LRRC18: variants seen among roughly 807,000 people sequenced by gnomAD.
LRRC18 encodes the protein leucine rich repeat containing 18, also known as leucine-rich repeat-containing protein 18.
A neutral mutation model predicts 11.2 loss-of-function variants in LRRC18; 12 were observed. That is an observed-to-expected ratio of 1.07 (90% CI 0.69 to 1.74). The LOEUF (loss-of-function observed/expected upper bound fraction) is 1.74, where lower values mean the gene tolerates loss of function less well. Among genes scored for constraint, LRRC18 ranks in the 40% most tolerant of loss-of-function variants. The pLI, the probability that LRRC18 is intolerant of heterozygous loss-of-function variation, is 0.00. For synonymous variants in LRRC18, 155 were observed against 130.6 expected, an observed-to-expected ratio of 1.19 and a Z score of -1.27; for missense variants, 374 against 330.5, an observed-to-expected ratio of 1.13 and a Z score of -1.02.
chr10:48,919,589 G>A, the LRRC18 span, among the ~76,000 whole-genome samples: 2 of 152,214 alleles, frequency 1.3e-5, no homozygotes, highest in African/African-American at 4.8e-5. Context: ...TGGCAGATTT[G>A]CCATCTGGTA....
chr10:48,926,265 C>G, the LRRC18 span, among the ~76,000 whole-genome samples: 4 of 152,214 alleles, frequency 2.6e-5, no homozygotes, highest in African/African-American at 4.8e-5. Context: ...GCCCCAGGCC[C>G]CAGGAAGGGT....
chr10:48,910,369 G>T (rs1160670094), intron 1 of LRRC18, 111 bp from the exon 4 acceptor site: 2 of 918,376 alleles, frequency 2.2e-6, no homozygotes, highest in Non-Finnish European at 3.6e-6. Context: ...CCTTCAGGAT[G>T]GTCAGGTTAG....
chr10:48,920,569 G>A, the LRRC18 span, among the ~76,000 whole-genome samples: 2 of 152,026 alleles, frequency 1.3e-5, no homozygotes, highest in Admixed American at 6.5e-5. Flanking sequence ...ATCATACTTC[G>A]TGAAGGACAG....
chr10:48,931,943 G>A, the LRRC18 span, among the ~76,000 whole-genome samples: 1 of 152,230 alleles, frequency 6.6e-6, no homozygotes, highest in Non-Finnish European at 1.5e-5. Flanking sequence ...CCACCCACAT[G>A]TTAGTCATGC....
upstream of LRRC18, among the ~76,000 whole-genome samples, chr10:48,918,211 T>C (rs1698990265): frequency 6.6e-6 from 1 of 152,186 alleles, no homozygotes; most frequent in African/African-American, 2.4e-5. Context: ...ATTAAAATGA[T>C]AGACTGAAAC....
intron 1 of LRRC18, among the ~76,000 whole-genome samples, chr10:48,912,595 C>T (rs1838106394): frequency 2.0e-5 from 3 of 152,208 alleles, no homozygotes. Context: ...CAAGCTTTCC[C>T]CAAAGGGACA....
At chr10:48,930,465 G>A in the LRRC18 span, among the ~76,000 whole-genome samples, 1 of 152,198 alleles carries the variant, frequency 6.6e-6, no homozygotes, top group African/African-American at 2.4e-5. Flanking sequence ...AGAGTGATCA[G>A]TAGCATCGCA....
At chr10:48,912,804 T>G (rs1838127618) in intron 1 of LRRC18, among the ~76,000 whole-genome samples, 1 of 152,228 alleles carries the variant, frequency 6.6e-6, no homozygotes, top group Non-Finnish European at 1.5e-5. Context: ...GAGCAAGTTA[T>G]GCAAGCTCAG....
chr10:48,928,232 C>T, the LRRC18 span, among the ~76,000 whole-genome samples: 5 of 152,172 alleles, frequency 3.3e-5, no homozygotes, highest in African/African-American at 1.2e-4. Context: ...TCCCCATGAC[C>T]CTGGATGGTC....
upstream of LRRC18, among the ~76,000 whole-genome samples, chr10:48,917,418 A>C (rs1319394247): frequency 3.9e-5 from 6 of 152,234 alleles, no homozygotes; most frequent in Non-Finnish European, 8.8e-5. Context: ...GCGAACTCCA[A>C]ACAAGATAAA....
chr10:48,925,171 C>T, the LRRC18 span, among the ~76,000 whole-genome samples: 1 of 152,222 alleles, frequency 6.6e-6, no homozygotes. Flanking sequence ...TGTTCTCTCT[C>T]CCGACCCTCA....
chr10:48,917,753 A>G (rs1403934583), upstream of LRRC18, among the ~76,000 whole-genome samples: 1 of 152,232 alleles, frequency 6.6e-6, no homozygotes, highest in Non-Finnish European at 1.5e-5. Context: ...TTCAGGTGAA[A>G]GGGAAACTAT....
At chr10:48,910,792 G>T in intron 1 of LRRC18, 2 of 402,828 alleles carry the variant, frequency 5.0e-6, no homozygotes, top group Non-Finnish European at 6.7e-6. Flanking sequence ...CAAGCAGTTG[G>T]CAGCAAGTAA....
At chr10:48,910,220 A>C in exon 2 of LRRC18, 2 of 1,605,010 alleles carry the variant, frequency 1.2e-6, no homozygotes, top group Non-Finnish European at 1.7e-6. Flanking sequence ...AGTCTTCAAG[A>C]TTTTGCCACA....
chr10:48,937,536 C>T, the LRRC18 span, among the ~76,000 whole-genome samples: 9 of 152,166 alleles, frequency 5.9e-5, no homozygotes, highest in African/African-American at 2.2e-4. Flanking sequence ...TTGCCCCACA[C>T]CTCCATATCT....
chr10:48,929,598 A>T, the LRRC18 span, among the ~76,000 whole-genome samples: 1 of 152,212 alleles, frequency 6.6e-6, no homozygotes, highest in Non-Finnish European at 1.5e-5. Flanking sequence ...AAGCCCACCT[A>T]GTCTCATTGC....
At chr10:48,932,661 G>GA in the LRRC18 span, 1 of 151,336 alleles carries the variant, frequency 6.6e-6, no homozygotes, top group Middle Eastern at 3.2e-3. Context: ...AAAAAAAGAG[G>GA]GAGAGAGAGA....
chr10:48,931,822 A>G, the LRRC18 span, among the ~76,000 whole-genome samples: 1 of 152,222 alleles, frequency 6.6e-6, no homozygotes, highest in Non-Finnish European at 1.5e-5. Flanking sequence ...CTCCAATAAG[A>G]GAGATAGCTT....
At chr10:48,929,862 T>G in the LRRC18 span, among the ~76,000 whole-genome samples, 1 of 152,150 alleles carries the variant, frequency 6.6e-6, no homozygotes, top group Non-Finnish European at 1.5e-5. Context: ...ACTTGACAAC[T>G]CTTCTTCCAT....
Sources: gnomAD v4.1 joint callset for allele counts (sites outside exome capture counted in the v4.1 genomes callset) on GRCh38, gnomAD v4.1.1 for gene constraint, MANE v1.5 for transcripts, NCBI Gene and HGNC (gene_info 2026-07-23, HGNC 2026-07-21) for gene names.